Variants in MAP2K4 observed in about 807,000 individuals in gnomAD.
MAP2K4 encodes the protein dual specificity mitogen-activated protein kinase kinase 4.
MAP2K4 carries 4 observed loss-of-function variants against 48.5 expected under a neutral mutation model. That is an observed-to-expected ratio of 0.08 (90% CI 0.04 to 0.19). MAP2K4 has a LOEUF of 0.19. Ranked by LOEUF, MAP2K4 falls within the 10% of genes least tolerant of loss-of-function variation. MAP2K4 has a pLI of 1.00. For synonymous variants in MAP2K4, 166 were observed against 173.1 expected, an observed-to-expected ratio of 0.96 and a Z score of 0.32; for missense variants, 258 against 493.3, an observed-to-expected ratio of 0.52 and a Z score of 4.52.
chr17:12,116,025 C>T lies in MAP2K4; in HGVS notation c.813+2665C>T, dbSNP rs192353219. 201 of 366,472 alleles carry T rather than the reference C, an allele frequency of 5.5e-4. 1 individual carries two copies. The highest frequency in any genetic ancestry group is 7.9e-5 in the Non-Finnish European group (15 of 189,296). The allele number at this position is 366,472 out of a possible 1,614,324, so 22.7% of individuals were successfully genotyped here. A position where few individuals can be genotyped will look rare whatever the true frequency, so the allele number is the denominator to read the frequency against. On this transcript the variant is annotated intron_variant, in intron 7 of 10. Coordinates refer to ENST00000353533, the MANE Select transcript of MAP2K4 (RefSeq NM_003010.4). ...AATGCAGAGAAAAAAACCAAATGAC[C>T]GCACTGTTACATGAACTGTGCACTG...
At chr17:12,086,741 C>A (rs1020611266) in intron 3 of MAP2K4, among the ~76,000 whole-genome samples, 1 of 152,168 alleles carries the variant, frequency 6.6e-6, no homozygotes, top group African/African-American at 2.4e-5. Flanking sequence ...GTTTCTGAAA[C>A]CTTCTACCAT....
chr17:12,086,278 C>T (rs757837642), intron 3 of MAP2K4, among the ~76,000 whole-genome samples: 13 of 152,094 alleles, frequency 8.5e-5, no homozygotes, highest in Non-Finnish European at 1.6e-4. Context: ...GAGCTGTATT[C>T]TTTTATGCTT....
chr17:12,067,084 A>G (rs1379653833), intron 2 of MAP2K4, among the ~76,000 whole-genome samples: 3 of 152,222 alleles, frequency 2.0e-5, no homozygotes, highest in Non-Finnish European at 4.4e-5. Context: ...GGCCTCCCAA[A>G]GTGCTGGGAT....
At chr17:12,124,337 G>A (rs1972784125) in intron 7 of MAP2K4, 1 of 152,106 alleles carries the variant, frequency 6.6e-6, no homozygotes, top group Non-Finnish European at 1.5e-5. Flanking sequence ...CTAATTTCAA[G>A]GAAATGTAAA....
At chr17:12,058,631 A>G (rs1970356996) in intron 2 of MAP2K4, among the ~76,000 whole-genome samples, 1 of 152,220 alleles carries the variant, frequency 6.6e-6, no homozygotes, top group Non-Finnish European at 1.5e-5. Context: ...AACAGCTTCA[A>G]CAGTTAATAG....
intron 1 of MAP2K4, among the ~76,000 whole-genome samples, chr17:12,044,004 G>A (rs1969881454): frequency 6.6e-6 from 1 of 151,942 alleles, no homozygotes; most frequent in South Asian, 2.1e-4. Flanking sequence ...AGTTATATAG[G>A]GGCCCTCTGA....
intron 7 of MAP2K4, among the ~76,000 whole-genome samples, chr17:12,120,455 G>A (rs1282728349): frequency 6.6e-6 from 1 of 151,570 alleles, no homozygotes; most frequent in African/African-American, 2.4e-5. Context: ...GCAAGATTCT[G>A]TCTCAAAAAA....
Position 12,081,982 on chromosome 17 carries a change from C to T in MAP2K4, c.393+452C>T. The T allele has an allele frequency of 1.9e-6, 1 of 531,720 alleles. No homozygotes were observed. The highest frequency in any genetic ancestry group is 3.9e-6 in the Non-Finnish European group (1 of 258,934). The allele number at this position is 531,720 out of a possible 1,614,324, so 32.9% of individuals were successfully genotyped here. A position where few individuals can be genotyped will look rare whatever the true frequency, so the allele number is the denominator to read the frequency against. ...ACGCACATGCTGTTGCCACTAACCT[C>T]AACCTTACTCGGTCCTGACCGGCTC... On this transcript the variant is annotated intron_variant, in intron 3 of 10. Coordinates refer to ENST00000353533, the MANE Select transcript of MAP2K4 (RefSeq NM_003010.4). This position sits in a 1 kb window ranked among gnomAD's most constrained non-coding sequence, Gnocchi z 4.2.
intron 2 of MAP2K4, among the ~76,000 whole-genome samples, chr17:12,056,566 A>G (rs1051817408): frequency 6.6e-6 from 1 of 152,110 alleles, no homozygotes; most frequent in Non-Finnish European, 1.5e-5. Context: ...GTTTTACCTT[A>G]TGATAGAATC....
chr17:12,033,570 G>A (rs1380956581), intron 1 of MAP2K4, among the ~76,000 whole-genome samples: 1 of 151,974 alleles, frequency 6.6e-6, no homozygotes, highest in Non-Finnish European at 1.5e-5. Flanking sequence ...TGTCTCCCTT[G>A]CCTTAAATAA....
At chr17:12,035,369 T>C (rs1969560433) in intron 1 of MAP2K4, among the ~76,000 whole-genome samples, 1 of 151,946 alleles carries the variant, frequency 6.6e-6, no homozygotes, top group Non-Finnish European at 1.5e-5. Flanking sequence ...AATACAAAAT[T>C]AGCTGGGCGT....
chr17:12,116,435 C>T (rs1416795563), intron 7 of MAP2K4, among the ~76,000 whole-genome samples: 1 of 151,914 alleles, frequency 6.6e-6, no homozygotes, highest in Non-Finnish European at 1.5e-5. Context: ...TTTTTTTCTT[C>T]AGTAATAAAT....
intron 7 of MAP2K4, among the ~76,000 whole-genome samples, chr17:12,119,983 C>G (rs983048758): frequency 6.6e-6 from 1 of 152,042 alleles, no homozygotes; most frequent in Non-Finnish European, 1.5e-5. Context: ...CAAAGAGCAA[C>G]AAAACAGACA....
chr17:12,065,827 C>T (rs888458808), intron 2 of MAP2K4, among the ~76,000 whole-genome samples: 12 of 152,128 alleles, frequency 7.9e-5, no homozygotes, highest in African/African-American at 2.7e-4. Context: ...CTATGTATTT[C>T]GACAATTTAG....
intron 7 of MAP2K4, among the ~76,000 whole-genome samples, chr17:12,119,920 C>G (rs1222678455): frequency 6.6e-6 from 1 of 152,170 alleles, no homozygotes; most frequent in Non-Finnish European, 1.5e-5. Context: ...AACAGAAAAT[C>G]AAATACCACA....
chr17:12,140,073 A>C (rs975509788), intron 10 of MAP2K4, among the ~76,000 whole-genome samples, 189 bp downstream of exon 10: 4 of 152,198 alleles, frequency 2.6e-5, no homozygotes, highest in Non-Finnish European at 4.4e-5. Flanking sequence ...TTTTCTACTA[A>C]TACTAGCTAA....
At chr17:12,129,071 G>A (rs1011491050) in intron 8 of MAP2K4, 68 bp from the exon 9 acceptor site, 3 of 1,496,276 alleles carry the variant, frequency 2.0e-6, no homozygotes, top group Admixed American at 3.8e-5. Flanking sequence ...ATTTTTTTGT[G>A]GCCCTTCCAG....
Position 12,081,460 on chromosome 17 carries a change from T to G in MAP2K4, c.323T>G (p.Ile108Ser), listed in dbSNP as rs1215001531. 6.2e-7 allele frequency: 1 copy of G among 1,614,166 alleles called. No individual in the cohort carries two copies. Among genetic ancestry groups the G allele is most frequent in the East Asian group, 2.2e-5 (1 of 44,868 alleles). ...GAGGACTTGAAAGACCTTGGAGAAA[T>G]TGGACGAGGAGCTTATGGTTCTGTC... The part of the protein sequence containing the change: ...TAEDLKDLGE[I>S]GRGAYGSVNK... The change falls in exon 3 of 11, where the codon ATT becomes AGT. Residue 108 changes from isoleucine to serine, a missense_variant. By Grantham distance (142) the Ile-to-Ser change is moderately radical (BLOSUM62 -2). Transcript: ENST00000353533. The surrounding 1 kb of genome is among the most constrained non-coding windows in gnomAD (Gnocchi z 4.2).
intron 4 of MAP2K4, among the ~76,000 whole-genome samples, chr17:12,103,463 G>A (rs12451415): frequency 0.16 from 24,868 of 151,680 alleles, 2,647 homozygotes; most frequent in Non-Finnish European, 0.23. Flanking sequence ...TGCTTTTTTT[G>A]TTTGTTTCTT....
Sources: gnomAD v4.1 joint callset for allele counts (sites outside exome capture counted in the v4.1 genomes callset) on GRCh38, gnomAD v4.1.1 for gene constraint, Gnocchi (gnomAD v3.1) non-coding constraint, MANE v1.5 for transcripts, NCBI Gene and HGNC (gene_info 2026-07-23, HGNC 2026-07-21) for gene names.